Variants in KAZN observed in about 807,000 individuals in gnomAD.
KAZN encodes kazrin.
Under a neutral mutation model 87.4 loss-of-function variants are expected in KAZN, and 40 were observed. The ratio of observed to expected loss-of-function variants is 0.46; its 90% CI spans 0.36 to 0.60. The LOEUF is 0.60. KAZN is among the 20% of genes least tolerant of loss of function. The pLI is 0.00. For missense variants in KAZN, 898 were observed against 1,073.9 expected (o/e 0.84, Z 2.29); for synonymous variants, 466 against 458.3 (o/e 1.02, Z -0.22).
chr1:14,784,937 C>T (rs1645463030), intron 1 of KAZN, among the ~76,000 whole-genome samples: 1 of 151,226 alleles, frequency 6.6e-6, no homozygotes, highest in Non-Finnish European at 1.5e-5. Context: ...AAGTCAAATA[C>T]ATCTTGATTT....
chr1:14,574,144 G>A (rs1018534915), intron 2 of KAZN, among the ~76,000 whole-genome samples: 1 of 152,140 alleles, frequency 6.6e-6, no homozygotes, highest in South Asian at 2.1e-4. Flanking sequence ...AAAATAGAAG[G>A]CTGAACAGGA....
chr1:14,443,130 C>A (rs1319612830), intron 2 of KAZN, among the ~76,000 whole-genome samples: 3 of 152,194 alleles, frequency 2.0e-5, no homozygotes, highest in Admixed American at 6.5e-5. Context: ...AATGTTTTGG[C>A]TCTTCCAAAC....
chr1:13,941,212 A>AC (rs1463825812), intron 1 of KAZN, among the ~76,000 whole-genome samples: 6 of 152,180 alleles, frequency 3.9e-5, no homozygotes, highest in South Asian at 2.1e-4. Flanking sequence ...CAACAACAAA[A>AC]AAAAAACAAT....
intron 1 of KAZN, among the ~76,000 whole-genome samples, chr1:14,838,961 C>T (rs1647613733): frequency 6.6e-6 from 1 of 152,132 alleles, no homozygotes; most frequent in Non-Finnish European, 1.5e-5. Context: ...CTTTATCCAC[C>T]TGGCTTTGAA....
At chr1:15,044,270 G>GGGGGGGGCCC in intron 4 of KAZN, 111 bp downstream of exon 4, 6 of 413,288 alleles carry the variant, frequency 1.5e-5, no homozygotes, top group Non-Finnish European at 1.7e-5. Flanking sequence ...GGTGGGTGGG[G>GGGGGGGGCCC]CAGAGCAGAA....
At chr1:15,034,495 GACA>G (rs112272533) in intron 2 of KAZN, among the ~76,000 whole-genome samples, 20,421 of 152,112 alleles carry the variant, frequency 0.13, 1,814 homozygotes, top group African/African-American at 0.26. Flanking sequence ...AAGCAGTTTC[GACA>G]ACGACTTGCT....
At chr1:14,883,450 G>A (rs1653706760) in intron 1 of KAZN, among the ~76,000 whole-genome samples, 1 of 147,528 alleles carries the variant, frequency 6.8e-6, no homozygotes, top group Non-Finnish European at 1.5e-5. Context: ...CTCTTCTGTT[G>A]CAGGGTGCAG....
chr1:15,092,675 T>G (rs907918787), intron 8 of KAZN, among the ~76,000 whole-genome samples: 3 of 152,146 alleles, frequency 2.0e-5, no homozygotes, highest in African/African-American at 7.2e-5. Context: ...GGTTTCACCA[T>G]GTTGCCCAGG....
chr1:14,224,770 G>T (rs1363890612), intron 2 of KAZN, among the ~76,000 whole-genome samples: 1 of 152,152 alleles, frequency 6.6e-6, no homozygotes, highest in Admixed American at 6.5e-5. Flanking sequence ...TAGCTCGGTG[G>T]TTTTGGCATG....
At chr1:14,160,588 T>C (rs1318638368) in intron 1 of KAZN, among the ~76,000 whole-genome samples, 3 of 152,232 alleles carry the variant, frequency 2.0e-5, no homozygotes, top group African/African-American at 7.2e-5. Flanking sequence ...TTGGCTCTTA[T>C]GAAGGTGCTT....
chr1:14,224,712 G>T, intron 2 of KAZN, among the ~76,000 whole-genome samples: 1 of 152,112 alleles, frequency 6.6e-6, no homozygotes, highest in East Asian at 1.9e-4. Flanking sequence ...TAATCAGAAA[G>T]ATGTTAACAA....
intron 1 of KAZN, among the ~76,000 whole-genome samples, chr1:14,740,278 G>A (rs953058960): frequency 6.6e-6 from 1 of 152,202 alleles, no homozygotes; most frequent in African/African-American, 2.4e-5. Context: ...AATCCCAGAT[G>A]CACAGGCTGT....
chr1:14,998,389 G>A (rs1178079236), intron 2 of KAZN, among the ~76,000 whole-genome samples: 2 of 141,958 alleles, frequency 1.4e-5, no homozygotes, highest in African/African-American at 6.0e-5. Flanking sequence ...GCAGAGAGGA[G>A]AGGCTGTGTG....
chr1:14,303,839 T>C (rs1329415282), intron 2 of KAZN, among the ~76,000 whole-genome samples: 1 of 152,222 alleles, frequency 6.6e-6, no homozygotes, highest in East Asian at 1.9e-4. Flanking sequence ...TGCATTATTC[T>C]CTTTTCCATT....
At chr1:14,686,568 G>A (rs1042983758) in intron 1 of KAZN, among the ~76,000 whole-genome samples, 120 of 152,192 alleles carry the variant, frequency 7.9e-4, no homozygotes, top group African/African-American at 2.6e-3. Flanking sequence ...AATGGACTGT[G>A]GGAACACCTG....
At chr1:14,920,824 C>T (rs1272565989) in intron 1 of KAZN, among the ~76,000 whole-genome samples, 1 of 152,208 alleles carries the variant, frequency 6.6e-6, no homozygotes, top group Admixed American at 6.5e-5. Context: ...GTGGGACCTG[C>T]CCAAGCCACT....
chr1:14,075,014 T>A (rs1344403743), intron 1 of KAZN, among the ~76,000 whole-genome samples: 2 of 152,168 alleles, frequency 1.3e-5, no homozygotes, highest in African/African-American at 4.8e-5. Flanking sequence ...ATCTACGACT[T>A]ATTTCTTATT....
At chr1:13,954,807 G>A (rs945288754) in intron 1 of KAZN, among the ~76,000 whole-genome samples, 3 of 152,116 alleles carry the variant, frequency 2.0e-5, no homozygotes, top group African/African-American at 7.2e-5. Context: ...GTTTTCTTGA[G>A]GGGGTTGGAC....
chr1:14,617,774 A>C (rs1678369484), intron 1 of KAZN, among the ~76,000 whole-genome samples: 1 of 152,178 alleles, frequency 6.6e-6, no homozygotes, highest in Admixed American at 6.5e-5. Flanking sequence ...TTTGAGGAGG[A>C]GCTAGTTAAA....
Sources: gnomAD v4.1 joint callset for allele counts (sites outside exome capture counted in the v4.1 genomes callset) on GRCh38, gnomAD v4.1.1 for gene constraint, MANE v1.5 for transcripts, NCBI Gene and HGNC (gene_info 2026-07-23, HGNC 2026-07-21) for gene names.